The following ZNF521 variants were observed in gnomAD, a reference collection of about 807,000 sequenced individuals.
The protein encoded by ZNF521 is LYST-interacting protein 3.
Under a neutral mutation model 105.5 loss-of-function variants are expected in ZNF521, and 14 were observed. The ratio of observed to expected loss-of-function variants is 0.13; its 90% CI spans 0.09 to 0.21. ZNF521 has a LOEUF of 0.21. Ranked by LOEUF, ZNF521 falls within the 10% of genes least tolerant of loss-of-function variation. The pLI is 1.00. For missense variants in ZNF521, 1,233 were observed against 1,629.7 expected, an observed-to-expected ratio of 0.76 and a Z score of 4.19; for synonymous variants, 635 against 606.0, an observed-to-expected ratio of 1.05 and a Z score of -0.70.
At chr18:25,202,969 T>C (rs746842030) in intron 4 of ZNF521, 7 of 152,238 alleles carry the variant, frequency 4.6e-5, no homozygotes, top group South Asian at 4.1e-4. Flanking sequence ...GATGCTATTG[T>C]CTTACAGTGG....
chr18:25,192,666 AG>A (rs1483725513), intron 5 of ZNF521, among the ~76,000 whole-genome samples: 1 of 149,742 alleles, frequency 6.7e-6, no homozygotes, highest in Non-Finnish European at 1.5e-5. Flanking sequence ...TTAAATGTCT[AG>A]TTGAGATTAT....
intron 7 of ZNF521, among the ~76,000 whole-genome samples, chr18:25,075,429 C>T (rs1030385850): frequency 2.6e-5 from 4 of 152,212 alleles, no homozygotes; most frequent in African/African-American, 7.2e-5. Context: ...TCACCAATGA[C>T]TCCTGCCACC....
At chr18:25,295,312 G>T (rs932415231) in intron 3 of ZNF521, among the ~76,000 whole-genome samples, 1 of 152,150 alleles carries the variant, frequency 6.6e-6, no homozygotes. Context: ...TGCAGGGGTT[G>T]TCTTCTTGAG....
At chr18:25,135,041 C>T (rs2034707010) in intron 5 of ZNF521, among the ~76,000 whole-genome samples, 1 of 152,084 alleles carries the variant, frequency 6.6e-6, no homozygotes, top group South Asian at 2.1e-4. Flanking sequence ...CAGGAGCCCA[C>T]AAGGTCAGCT....
intron 2 of ZNF521, among the ~76,000 whole-genome samples, chr18:25,338,998 A>G (rs1914050856): frequency 6.6e-6 from 1 of 152,224 alleles, no homozygotes; most frequent in Non-Finnish European, 1.5e-5. Context: ...AGACTTAGGT[A>G]ATGGAAAACT....
intron 2 of ZNF521, among the ~76,000 whole-genome samples, chr18:25,349,981 C>T (rs1914652629): frequency 6.6e-6 from 1 of 151,678 alleles, no homozygotes. Context: ...CGGCTCCCCT[C>T]GGCCGCCCGC....
At chr18:25,205,141 T>TAAAAAAAAAAAAAA (rs34563599) in intron 4 of ZNF521, among the ~76,000 whole-genome samples, 18 of 74,914 alleles carry the variant, frequency 2.4e-4, no homozygotes, top group African/African-American at 1.1e-3. Context: ...GTAGTGAAGG[T>TAAAAAAAAAAAAAA]AAAAAAAAAA....
chr18:25,290,470 G>C (rs536424564), intron 3 of ZNF521, among the ~76,000 whole-genome samples: 1 of 152,176 alleles, frequency 6.6e-6, no homozygotes, highest in East Asian at 1.9e-4. Context: ...CCCCTCGCTG[G>C]GAGCCCAGAG....
Position 25,293,305 on chromosome 18 carries a change from G to C in ZNF521, c.220+28703C>G, listed in dbSNP as rs1911139726. On this transcript the variant is annotated intron_variant, in intron 3 of 7. Coordinates refer to ENST00000361524, the MANE Select transcript of ZNF521 (RefSeq NM_015461.3). ...TTCGCCCAGATGAGGGCTCCACAAA[G>C]GGTTGTTGCTGCATTAACAGATTTT... Among the ~76,000 whole-genome samples, 3 of 151,624 alleles carry C rather than the reference G, an allele frequency of 2.0e-5. No individual in the cohort carries two copies. In the South Asian group the frequency reaches 6.3e-4, roughly 32 times the overall value.
At chr18:25,224,250 C>A in intron 4 of ZNF521, 95 bp downstream of exon 4, 3 of 1,170,936 alleles carry the variant, frequency 2.6e-6, no homozygotes, top group Non-Finnish European at 3.6e-6. Flanking sequence ...ATCTTTTGGC[C>A]CATGACAATA....
chr18:25,307,542 T>C (rs1600285695), intron 3 of ZNF521, among the ~76,000 whole-genome samples: 2 of 152,178 alleles, frequency 1.3e-5, no homozygotes, highest in African/African-American at 4.8e-5. Context: ...TGCCTCCCCA[T>C]TTCCAGACCC....
chr18:25,105,774 T>A (rs903154639), intron 5 of ZNF521, among the ~76,000 whole-genome samples: 6 of 152,170 alleles, frequency 3.9e-5, no homozygotes, highest in African/African-American at 1.4e-4. Context: ...TAAATTTCAG[T>A]ATCGGAGCAA....
intron 5 of ZNF521, among the ~76,000 whole-genome samples, chr18:25,150,467 G>T (rs1642321887): frequency 6.6e-6 from 1 of 152,082 alleles, no homozygotes; most frequent in African/African-American, 2.4e-5. Flanking sequence ...AATAAGTACA[G>T]GCTAAAGGAG....
intron 3 of ZNF521, among the ~76,000 whole-genome samples, chr18:25,228,568 C>T (rs1186055979): frequency 1.3e-5 from 2 of 152,180 alleles, no homozygotes; most frequent in Admixed American, 1.3e-4. Flanking sequence ...GCCTGAACTT[C>T]CTTAGCTAAA....
At chr18:25,242,393 C>T (rs970811004) in intron 3 of ZNF521, among the ~76,000 whole-genome samples, 1 of 152,066 alleles carries the variant, frequency 6.6e-6, no homozygotes, top group Non-Finnish European at 1.5e-5. Flanking sequence ...CTTCAAGAGA[C>T]GTAATCAAAA....
chr18:25,074,103 T>C (rs6508345), intron 7 of ZNF521, among the ~76,000 whole-genome samples: 110,884 of 152,114 alleles, frequency 0.73, 41,491 homozygotes, highest in African/African-American at 0.87. Flanking sequence ...CACGGGAATA[T>C]GCCTGTGCGC....
chr18:25,209,491 T>C (rs2036140971), intron 4 of ZNF521, among the ~76,000 whole-genome samples: 1 of 152,170 alleles, frequency 6.6e-6, no homozygotes, highest in Non-Finnish European at 1.5e-5. Flanking sequence ...TTTACTACGT[T>C]TTCCCCCCAG....
intron 5 of ZNF521, among the ~76,000 whole-genome samples, chr18:25,117,925 ACATAAG>A (rs1255525234): frequency 6.6e-6 from 1 of 152,116 alleles, no homozygotes; most frequent in African/African-American, 2.4e-5. Flanking sequence ...TAAGAAAACC[ACATAAG>A]CATATCCTAG....
At chr18:25,087,740 C>T (rs368237422) in intron 7 of ZNF521, among the ~76,000 whole-genome samples, 222 of 152,178 alleles carry the variant, frequency 1.5e-3, no homozygotes, top group African/African-American at 5.1e-3. Flanking sequence ...TCTAACTTGG[C>T]CCATCTTCTA....
Sources: gnomAD v4.1 joint callset for allele counts (sites outside exome capture counted in the v4.1 genomes callset) on GRCh38, gnomAD v4.1.1 for gene constraint, MANE v1.5 for transcripts, NCBI Gene and HGNC (gene_info 2026-07-23, HGNC 2026-07-21) for gene names.